The following ABCG5 variants were observed in gnomAD, a reference collection of about 807,000 sequenced individuals.
The protein encoded by ABCG5 is ATP-binding cassette sub-family G member 5.
A neutral mutation model predicts 64.5 loss-of-function variants in ABCG5; 64 were observed. The observed-to-expected ratio is 0.99, with a 90% CI of 0.81 to 1.22. The LOEUF (loss-of-function observed/expected upper bound fraction) is 1.22, where lower values mean the gene tolerates loss of function less well. ABCG5 is among the 50% of genes most tolerant of loss of function. ABCG5 has a pLI of 0.00. For synonymous variants in ABCG5, 385 were observed against 326.3 expected, an observed-to-expected ratio of 1.18 and a Z score of -1.94; for missense variants, 908 against 829.5, an observed-to-expected ratio of 1.09 and a Z score of -1.16.
chr2:43,838,125 G>A lies in ABCG5; in HGVS notation c.144-170C>T. The A allele has an allele frequency of 4.7e-6, 4 of 847,680 alleles. No homozygotes were observed. The highest frequency in any genetic ancestry group is 2.7e-5 in the East Asian group (1 of 37,006). 52.5% of individuals were successfully genotyped at this position (847,680 alleles called of 1,614,324 possible). On this transcript the variant is annotated intron_variant, in intron 1 of 12. Transcript: ENST00000405322. This position sits in a 1 kb window ranked among gnomAD's most constrained non-coding sequence, Gnocchi z 4.2. ...CTGTAGAACCTGGCAGATAGCGACT[G>A]AGGCTGTCTGCCACGTAGGGAGGGG...
intron 4 of ABCG5, among the ~76,000 whole-genome samples, chr2:43,830,191 A>C (rs1667877283): frequency 6.6e-6 from 1 of 152,230 alleles, no homozygotes; most frequent in African/African-American, 2.4e-5. Flanking sequence ...TTCACACCCC[A>C]GCAGGAATGC....
At chr2:43,830,384 T>A (rs1667888318) in intron 4 of ABCG5, among the ~76,000 whole-genome samples, 1 of 152,212 alleles carries the variant, frequency 6.6e-6, no homozygotes, top group Non-Finnish European at 1.5e-5. Flanking sequence ...CAAAGTTCCA[T>A]AACTTGCCCA....
chr2:43,819,832 G>C, intron 11 of ABCG5, 83 bp downstream of exon 11: 4 of 1,438,956 alleles, frequency 2.8e-6, no homozygotes, highest in Middle Eastern at 2.1e-4. Flanking sequence ...CAGTTCTCTG[G>C]TATTCCTTTA....
chr2:43,829,138 A>G (rs1667814205), intron 4 of ABCG5, among the ~76,000 whole-genome samples: 1 of 152,182 alleles, frequency 6.6e-6, no homozygotes, highest in African/African-American at 2.4e-5. Flanking sequence ...CCCCAAATTC[A>G]TGATTACAAT....
In ABCG5 at chr2:43,831,849, T is replaced by TGCTCAGCAGGGTGTC; in HGVS notation, c.406_420dup (p.Asp136_Ser140dup). 1.3e-6 allele frequency: 2 copies of TGCTCAGCAGGGTGTC among 1,576,158 alleles called. No homozygotes were observed. Among genetic ancestry groups the TGCTCAGCAGGGTGTC allele is most frequent in the Non-Finnish European group, 1.7e-6 (2 of 1,163,686 alleles). ...TGCAGCGTCTCGCGCACGGTGAGGCTGCTCAGCAGGGTGTCGCTCTGCAGG... is the reference window on the plus strand; with the variant it reads ...TGCAGCGTCTCGCGCACGGTGAGGCTGCTCAGCAGGGTGTCGCTCAGCAGGGTGTCGCTCTGCAGG... On this transcript the variant is annotated inframe_insertion, in exon 4 of 13. Transcript: ENST00000405322.
chr2:43,810,456 G>T, downstream of ABCG5: 1 of 985,366 alleles, frequency 1.0e-6, no homozygotes. Context: ...TTATTTCCAA[G>T]GTGGGATAGC....
chr2:43,809,527 T>G (rs1382140528), downstream of ABCG5, among the ~76,000 whole-genome samples: 1 of 152,220 alleles, frequency 6.6e-6, no homozygotes, highest in Non-Finnish European at 1.5e-5. Flanking sequence ...GAAGACAGTA[T>G]TTCTAGAAAA....
At chr2:43,823,401 A>G (rs1667375725) in intron 9 of ABCG5, among the ~76,000 whole-genome samples, 1 of 151,960 alleles carries the variant, frequency 6.6e-6, no homozygotes, top group Non-Finnish European at 1.5e-5. Flanking sequence ...ACTTCACAAT[A>G]GCGAAGTCCT....
At chr2:43,829,128 C>A (rs941454170) in intron 4 of ABCG5, among the ~76,000 whole-genome samples, 1 of 152,060 alleles carries the variant, frequency 6.6e-6, no homozygotes, top group Non-Finnish European at 1.5e-5. Flanking sequence ...CAGAAAAATC[C>A]CCCAAATTCA....
intron 2 of ABCG5, among the ~76,000 whole-genome samples, chr2:43,835,027 C>G (rs1668175708): frequency 6.6e-6 from 1 of 152,238 alleles, no homozygotes; most frequent in Admixed American, 6.5e-5. Flanking sequence ...TAAGCACCCA[C>G]TACGTGACCG....
downstream of ABCG5, among the ~76,000 whole-genome samples, chr2:43,808,912 T>C (rs1298425107): frequency 6.6e-6 from 1 of 151,966 alleles, no homozygotes; most frequent in Non-Finnish European, 1.5e-5. Context: ...TGTGCATTGC[T>C]CTATTGTTAT....
upstream of ABCG5, chr2:43,839,084 C>CAG: frequency 6.4e-7 from 1 of 1,551,260 alleles, no homozygotes; most frequent in Non-Finnish European, 8.7e-7. Context: ...GGAGAGAGGG[C>CAG]TGCCGAAAGG....
chr2:43,837,949 G>A lies in ABCG5; in HGVS notation c.150C>T (p.Arg50=), dbSNP rs747612113. ...ILHASYSVSH[R]VRPWWDITSC... ...ATGTGATGTCCCACCAGGGCCTCAC[G>A]CGGTGGCTTTAAAGGAAACCCCAGG... The change falls in exon 2 of 13, where the codon CGC becomes CGT. Residue 50 remains arginine, a synonymous_variant. Coordinates refer to ENST00000405322, the MANE Select transcript of ABCG5 (RefSeq NM_022436.3). 15 of 1,613,828 alleles carry A rather than the reference G, an allele frequency of 9.3e-6. No individual in the cohort carries two copies. The African/African-American group carries it at 1.3e-4, about 14-fold the overall frequency.
chr2:43,820,003 G>C lies in ABCG5; in HGVS notation c.1561C>G (p.Leu521Val). ...ATATTTGGATTTTGGACGATACCAAGTAGCACAAGAGTTAGAAATTCACCA... is the reference window on the plus strand; with the variant it reads ...ATATTTGGATTTTGGACGATACCAACTAGCACAAGAGTTAGAAATTCACCA... ...LIGEFLTLVL[L>V]GIVQNPNIVN... The change falls in exon 11 of 13, where the codon CTT becomes GTT. Residue 521 changes from leucine (L) to valine (V), a missense_variant. By Grantham distance (32) the Leu-to-Val change is conservative. Coordinates refer to ENST00000405322, the MANE Select transcript of ABCG5 (RefSeq NM_022436.3). 6.2e-7 allele frequency: 1 copy of C among 1,614,170 alleles called. No individual in the cohort carries two copies.
At chr2:43,815,910 G>GAAA (rs4148200) in intron 11 of ABCG5, among the ~76,000 whole-genome samples, 2,705 of 104,000 alleles carry the variant, frequency 0.026, 83 homozygotes, top group East Asian at 0.072. Context: ...AACAGGAAAA[G>GAAA]AAAAAAAAAA....
intron 2 of ABCG5, among the ~76,000 whole-genome samples, chr2:43,834,795 A>G (rs1247128093): frequency 1.3e-5 from 2 of 152,220 alleles, no homozygotes; most frequent in Non-Finnish European, 2.9e-5. Context: ...TAACAATTCA[A>G]ATAAGTTGGA....
rs367720764 is a variant in ABCG5, at chr2:43,838,526, C to A, written c.143+11G>T. 3 of 1,594,026 alleles carry A rather than the reference C, an allele frequency of 1.9e-6. No individual in the cohort carries two copies. Among genetic ancestry groups the A allele is most frequent in the Non-Finnish European group, 2.6e-6 (3 of 1,171,102 alleles). On this transcript the variant is annotated intron_variant, in intron 1 of 12. Transcript: ENST00000405322. This position sits in a 1 kb window ranked among gnomAD's most constrained non-coding sequence, Gnocchi z 4.2. ...CCTGGGGGAGCAGCAGCAGCAAGGG[C>A]TCTGCCTTACCTGACGCTGTAGGAG...
At position 43,824,989 on chromosome 2, in the gene ABCG5, G is replaced by A. The variant is rs554183818; in HGVS notation, c.804C>T (p.Phe268=). The change falls in exon 7 of 13, where the codon TTC becomes TTT. Residue 268 remains phenylalanine (F), a synonymous_variant. Transcript: ENST00000405322. ...QLFDKIAILS[F]GELIFCGTPA... ...GCGTGCCACAGAAAATCAGCTCTCC[G>A]AAGCTCAGGATGGCAATTTTGTCAA... 3.0e-5 allele frequency: 49 copies of A among 1,613,906 alleles called. No individual in the cohort carries two copies. Among genetic ancestry groups the A allele is most frequent in the Middle Eastern group, 1.7e-4 (1 of 6,060 alleles).
chr2:43,815,935 A>G (rs1022464129), intron 11 of ABCG5, among the ~76,000 whole-genome samples: 30 of 150,804 alleles, frequency 2.0e-4, no homozygotes, highest in African/African-American at 6.8e-4. Context: ...AAAGGACCAG[A>G]CTACAAAAAA....
Sources: allele counts gnomAD v4.1 joint callset (sites outside exome capture counted in the v4.1 genomes callset), GRCh38; gene constraint gnomAD v4.1.1; non-coding constraint Gnocchi (gnomAD v3.1); transcripts MANE v1.5; gene names NCBI Gene and HGNC (gene_info 2026-07-23, HGNC 2026-07-21).